Variants in AK4 observed in about 807,000 individuals in gnomAD.
AK4 encodes the protein adenylate kinase 4, mitochondrial.
AK4 carries 13 observed loss-of-function variants against 24.6 expected under a neutral mutation model. The observed-to-expected ratio is 0.53, with a 90% CI of 0.34 to 0.84. The LOEUF (loss-of-function observed/expected upper bound fraction) is 0.84. AK4 is among the 40% of genes least tolerant of loss of function. AK4 has a pLI of 0.01. For synonymous variants in AK4, 88 were observed against 107.0 expected, an observed-to-expected ratio of 0.82 and a Z score of 1.10; for missense variants, 192 against 288.2, an observed-to-expected ratio of 0.67 and a Z score of 2.42.
At chr1:65,181,824 T>C (rs1007856329) in intron 1 of AK4, among the ~76,000 whole-genome samples, 1 of 152,242 alleles carries the variant, frequency 6.6e-6, no homozygotes, top group Non-Finnish European at 1.5e-5. Context: ...CTGAAGAAGA[T>C]CACAGATGAC....
chr1:65,217,139 GAAGCATTGGAGAGTTAGC>G (rs1309478320), intron 2 of AK4, among the ~76,000 whole-genome samples: 1 of 152,226 alleles, frequency 6.6e-6, no homozygotes, highest in Non-Finnish European at 1.5e-5. Context: ...GGCTTTGGAG[GAAGCATTGGAGAGTTAGC>G]AAGCAATAGG....
chr1:65,223,136 C>G (rs1412246500), intron 3 of AK4, among the ~76,000 whole-genome samples: 1 of 151,308 alleles, frequency 6.6e-6, no homozygotes. Flanking sequence ...TTCTCTTTTC[C>G]TTAATTTTAG....
At chr1:65,148,846 G>A (rs1395621431) in intron 1 of AK4, among the ~76,000 whole-genome samples, 3 of 152,170 alleles carry the variant, frequency 2.0e-5, no homozygotes, top group African/African-American at 7.2e-5. Flanking sequence ...ACTAGGCAGG[G>A]AAAACCCGGA....
chr1:65,210,734 C>G (rs1482026778), intron 2 of AK4, among the ~76,000 whole-genome samples: 1 of 152,098 alleles, frequency 6.6e-6, no homozygotes, highest in Non-Finnish European at 1.5e-5. Context: ...GTCTTTTTAC[C>G]TCCAGTCCCA....
At chr1:65,170,224 C>A (rs1030910388) in intron 1 of AK4, among the ~76,000 whole-genome samples, 1 of 152,090 alleles carries the variant, frequency 6.6e-6, no homozygotes, top group Non-Finnish European at 1.5e-5. Context: ...GAAAATTACC[C>A]AGGTGCGGTG....
At chr1:65,189,235 C>G (rs928924776) in intron 1 of AK4, among the ~76,000 whole-genome samples, 2 of 149,496 alleles carry the variant, frequency 1.3e-5, no homozygotes, top group Non-Finnish European at 3.0e-5. Context: ...ACACCTGGCT[C>G]TTTGTGTTTT....
intron 2 of AK4, among the ~76,000 whole-genome samples, chr1:65,197,091 C>G (rs1389243754): frequency 6.6e-6 from 1 of 152,176 alleles, no homozygotes; most frequent in African/African-American, 2.4e-5. Flanking sequence ...CCAGGTTCAT[C>G]CCATGACACG....
In AK4 at chr1:65,158,389, CAT is replaced by C. The variant is rs576955777; in HGVS notation, c.145+9840_145+9841del. 9.2e-5 allele frequency among the ~76,000 whole-genome samples: 14 copies of C among 152,282 alleles called. No individual in the cohort carries two copies. In the East Asian group the frequency reaches 2.7e-3, roughly 29 times the overall value. ...TGCTCTTTAACAATCTGTATTGGTGCATATTGTGAGAAGGTTTAAGGAGTTGG... is the reference window on the plus strand; with the variant it reads ...TGCTCTTTAACAATCTGTATTGGTGCATTGTGAGAAGGTTTAAGGAGTTGG... On this transcript the variant is annotated intron_variant, in intron 1 of 4. Transcript: ENST00000327299.
intron 2 of AK4, among the ~76,000 whole-genome samples, chr1:65,207,217 TCCTCCCTA>T (rs1358495749): frequency 1.3e-5 from 2 of 152,130 alleles, no homozygotes; most frequent in African/African-American, 4.8e-5. Context: ...CCTCCTCCCT[TCCTCCCTA>T]CCTCCCTTCT....
intron 2 of AK4, among the ~76,000 whole-genome samples, chr1:65,193,974 C>A (rs1322243988): frequency 6.6e-6 from 1 of 152,162 alleles, no homozygotes; most frequent in African/African-American, 2.4e-5. Context: ...TGCCTATAAT[C>A]CCAGCTACTT....
intron 1 of AK4, among the ~76,000 whole-genome samples, chr1:65,185,191 A>G (rs532707569): frequency 6.2e-4 from 95 of 152,088 alleles, no homozygotes; most frequent in African/African-American, 2.2e-3. Flanking sequence ...CCACATCCAA[A>G]TGTCACATTT....
chr1:65,152,021 C>T (rs1055376217), intron 1 of AK4, among the ~76,000 whole-genome samples: 2 of 151,304 alleles, frequency 1.3e-5, no homozygotes, highest in African/African-American at 2.4e-5. Context: ...TATGGGTATG[C>T]ACATGTATGT....
At chr1:65,165,175 A>G (rs988353471) in intron 1 of AK4, among the ~76,000 whole-genome samples, 2 of 152,260 alleles carry the variant, frequency 1.3e-5, no homozygotes, top group African/African-American at 4.8e-5. Flanking sequence ...AGTTACTTGT[A>G]TGAACTTTTA....
intron 4 of AK4, 99 bp downstream of exon 4, chr1:65,224,969 A>G: frequency 1.1e-6 from 1 of 881,430 alleles, no homozygotes; most frequent in Admixed American, 2.3e-5. Flanking sequence ...TGTTTCTTTA[A>G]GACAGATAAA....
chr1:65,216,910 A>C (rs1181266616), intron 2 of AK4, among the ~76,000 whole-genome samples: 1 of 152,124 alleles, frequency 6.6e-6, no homozygotes, highest in Non-Finnish European at 1.5e-5. Context: ...TACATTGCCC[A>C]GGCTGGCCTT....
chr1:65,207,235 T>C (rs1651839300), intron 2 of AK4, among the ~76,000 whole-genome samples: 2 of 152,134 alleles, frequency 1.3e-5, no homozygotes, highest in Admixed American at 6.5e-5. Context: ...ACCTCCCTTC[T>C]TGCCTCTATC....
In AK4 at chr1:65,228,787, T is replaced by G. The variant is rs1652547743; in HGVS notation, c.*2610T>G. 6.6e-6 allele frequency: 1 copy of G among 151,902 alleles called. No homozygotes were observed. The highest frequency in any genetic ancestry group is 1.5e-5 in the Non-Finnish European group (1 of 67,980). 9.4% of individuals were successfully genotyped at this position (151,902 alleles called of 1,614,324 possible). ...CTTTAAGCAAAGAGAGTGGTTCAGA[T>G]GGTTTCTAAGATGCCAACCTGACCT... On this transcript the variant is annotated 3_prime_UTR_variant, in exon 5 of 5. Transcript: ENST00000327299.
At chr1:65,156,779 G>A (rs954665606) in intron 1 of AK4, among the ~76,000 whole-genome samples, 6 of 151,822 alleles carry the variant, frequency 4.0e-5, no homozygotes, top group Admixed American at 6.6e-5. Context: ...AAAATTAGCC[G>A]GGCGTGGTGG....
intron 1 of AK4, among the ~76,000 whole-genome samples, chr1:65,185,861 C>T (rs933225782): frequency 6.6e-5 from 10 of 152,054 alleles, no homozygotes; most frequent in African/African-American, 2.4e-4. Context: ...GTGATCTGCC[C>T]ACCTTGGCCT....
Sources: allele counts gnomAD v4.1 joint callset (sites outside exome capture counted in the v4.1 genomes callset), GRCh38; gene constraint gnomAD v4.1.1; transcripts MANE v1.5; gene names NCBI Gene and HGNC (gene_info 2026-07-23, HGNC 2026-07-21).